The following YPEL1 variants were observed in gnomAD, a reference collection of about 807,000 sequenced individuals.
The protein encoded by YPEL1 is yippee like 1.
In YPEL1, 7 loss-of-function variants were observed where a neutral mutation model predicts 17.3. That is an observed-to-expected ratio of 0.40 (90% CI 0.23 to 0.76). The LOEUF is 0.76. YPEL1 is among the 30% of genes least tolerant of loss of function. The pLI, the probability that YPEL1 is intolerant of heterozygous loss-of-function variation, is 0.35. For missense variants in YPEL1, 91 were observed against 155.5 expected (o/e 0.59, Z 2.21); for synonymous variants, 59 against 59.6 (o/e 0.99, Z 0.05).
intron 1 of YPEL1, among the ~76,000 whole-genome samples, chr22:21,721,398 G>T (rs2148610462): frequency 6.9e-6 from 1 of 145,838 alleles, no homozygotes; most frequent in South Asian, 2.2e-4. Context: ...GATTACAGCA[G>T]TGAGCCACCA....
At chr22:21,715,756 CTTTTCTTT>C (rs1464635836) in intron 1 of YPEL1, among the ~76,000 whole-genome samples, 7 of 56,172 alleles carry the variant, frequency 1.2e-4, no homozygotes, top group Admixed American at 5.2e-4. Context: ...TTTTCTTTTT[CTTTTCTTT>C]TTTTTTTTTT....
intron 2 of YPEL1, among the ~76,000 whole-genome samples, chr22:21,707,204 G>C (rs1366231423): frequency 6.6e-6 from 1 of 152,138 alleles, no homozygotes; most frequent in Non-Finnish European, 1.5e-5. Flanking sequence ...GATCACTTGA[G>C]GCCAGGAGTT....
rs2068083724 is a variant in YPEL1 at position 21,703,369 on chromosome 22, C to T, written c.270+1G>A. ...CACGAGCATCCCCTTGTGGCACTCA[C>T]GTATTTCCACCCGAGCGTGGTCTTG... On this transcript the variant is annotated splice_donor_variant, in intron 4 of 4. Coordinates refer to ENST00000339468, the MANE Select transcript of YPEL1 (RefSeq NM_013313.5). LOFTEE classifies it high-confidence loss of function. The surrounding 1 kb of genome is among the most constrained non-coding windows in gnomAD (Gnocchi z 6.1). 3 of 1,613,118 alleles carry T rather than the reference C, an allele frequency of 1.9e-6. No individual in the cohort carries two copies. Among genetic ancestry groups the T allele is most frequent in the East Asian group, 2.2e-5 (1 of 44,888 alleles).
chr22:21,723,924 C>T (rs2068308233), intron 1 of YPEL1, among the ~76,000 whole-genome samples: 1 of 152,132 alleles, frequency 6.6e-6, no homozygotes. Flanking sequence ...GCCTTGGCCT[C>T]CCAAAGTGCT....
intron 1 of YPEL1, among the ~76,000 whole-genome samples, chr22:21,730,511 C>T (rs942927066): frequency 6.6e-6 from 1 of 152,208 alleles, no homozygotes; most frequent in Non-Finnish European, 1.5e-5. Flanking sequence ...GCGTGAGCTA[C>T]AGCATCTGGC....
intron 1 of YPEL1, among the ~76,000 whole-genome samples, chr22:21,718,665 A>G (rs994604039): frequency 6.6e-6 from 1 of 152,080 alleles, no homozygotes; most frequent in Non-Finnish European, 1.5e-5. Context: ...AAGAGAAACC[A>G]AGCTGAATCC....
At position 21,704,194 on chromosome 22, in the gene YPEL1, T is replaced by C. The variant is rs181153417; in HGVS notation, c.118-312A>G. ...CTTCATATGTCTGGACAACTTTACC[T>C]TAGAGGAGTTCTGAGAGGGGATCAC... On this transcript the variant is annotated intron_variant, in intron 2 of 4. Transcript: ENST00000339468. 9.8e-5 allele frequency: 70 copies of C among 717,898 alleles called. No homozygotes were observed. The East Asian group carries it at 1.7e-3, about 17-fold the overall frequency. The allele number at this position is 717,898 out of a possible 1,614,324, so 44.5% of individuals were successfully genotyped here.
In YPEL1 at chr22:21,703,708, C is replaced by CGGGGGG; in HGVS notation, c.161+130_161+131insCCCCCC. The CGGGGGG allele has an allele frequency of 4.1e-6, 4 of 985,448 alleles. No individual in the cohort carries two copies. Among genetic ancestry groups the CGGGGGG allele is most frequent in the South Asian group, 1.6e-5 (1 of 61,774 alleles). 61.0% of individuals were successfully genotyped at this position (985,448 alleles called of 1,614,324 possible). A position where few individuals can be genotyped will look rare whatever the true frequency, so the allele number is the denominator to read the frequency against. On this transcript the variant is annotated intron_variant, in intron 3 of 4. Coordinates refer to ENST00000339468, the MANE Select transcript of YPEL1 (RefSeq NM_013313.5). The surrounding 1 kb of genome is among the most constrained non-coding windows in gnomAD (Gnocchi z 6.1). ...ATCCTTAGCGCGTTTCAGAAACTCC[C>CGGGGGG]GGCGGGGGGATGGTGGGTTCTTTCA...
intron 1 of YPEL1, among the ~76,000 whole-genome samples, chr22:21,727,969 G>A (rs1298731889): frequency 6.6e-6 from 1 of 152,232 alleles, no homozygotes; most frequent in Non-Finnish European, 1.5e-5. Context: ...GTCAGAGGCT[G>A]CAAAGCTGGA....
At chr22:21,724,484 C>A (rs2068313251) in intron 1 of YPEL1, among the ~76,000 whole-genome samples, 1 of 152,072 alleles carries the variant, frequency 6.6e-6, no homozygotes, top group Non-Finnish European at 1.5e-5. Flanking sequence ...TTGCTGTGAG[C>A]CATGATCGCA....
At position 21,732,730 on chromosome 22, in the gene YPEL1, C is replaced by G. The variant is rs916093335; in HGVS notation, c.-165+2885G>C. Among the ~76,000 whole-genome samples, 4 of 151,824 alleles carry G rather than the reference C, an allele frequency of 2.6e-5. No homozygotes were observed. The East Asian group carries it at 7.7e-4, about 29-fold the overall frequency. On this transcript the variant is annotated intron_variant, in intron 1 of 4. Coordinates refer to ENST00000339468, the MANE Select transcript of YPEL1 (RefSeq NM_013313.5). Reference sequence around the variant, plus strand: ...CCGGGAGGCGGAGGCTGCACTGAGCCGAGATCACGCCACTGCACTCCAGCC... The same window carrying G: ...CCGGGAGGCGGAGGCTGCACTGAGCGGAGATCACGCCACTGCACTCCAGCC...
chr22:21,710,357 C>T (rs1046477404), intron 2 of YPEL1: 3 of 509,366 alleles, frequency 5.9e-6, no homozygotes, highest in Non-Finnish European at 1.1e-5. Context: ...CTGTGAGTAA[C>T]AAGTGATTCA....
intron 1 of YPEL1, among the ~76,000 whole-genome samples, chr22:21,726,410 G>A (rs1234634940): frequency 6.6e-6 from 1 of 152,194 alleles, no homozygotes; most frequent in African/African-American, 2.4e-5. Flanking sequence ...ACAACATCCT[G>A]AGAAATAGGC....
chr22:21,735,716 C>T lies in YPEL1; in HGVS notation c.-266G>A, dbSNP rs1473684036. 2 of 150,906 alleles carry T rather than the reference C, an allele frequency of 1.3e-5. No homozygotes were observed. Among genetic ancestry groups the T allele is most frequent in the Non-Finnish European group, 3.0e-5 (2 of 67,610 alleles). The allele number at this position is 150,906 out of a possible 1,614,324, so 9.3% of individuals were successfully genotyped here. A position where few individuals can be genotyped will look rare whatever the true frequency, so the allele number is the denominator to read the frequency against. ...GGCGTTCCCGGCGCGGCCCGGGACG[C>T]GCTGAGGCCGTTAACGCCTAGGCAG... is the stretch of plus-strand genomic sequence containing the variant. On this transcript the variant is annotated 5_prime_UTR_variant, in exon 1 of 5. Transcript: ENST00000339468.
chr22:21,735,362 G>T (rs1199856438), intron 1 of YPEL1, among the ~76,000 whole-genome samples: 2 of 152,142 alleles, frequency 1.3e-5, no homozygotes, highest in African/African-American at 2.4e-5. Context: ...GAGGGACAGC[G>T]GGGGAGGTGG....
At position 21,700,946 on chromosome 22, in the gene YPEL1, C is replaced by T. The variant is rs1050195749; in HGVS notation, c.*183G>A. The T allele has an allele frequency of 2.9e-5, 15 of 513,076 alleles. No homozygotes were observed. The highest frequency in any genetic ancestry group is 2.3e-4 in the Admixed American group (7 of 29,854). The allele number at this position is 513,076 out of a possible 1,614,324, so 31.8% of individuals were successfully genotyped here. A position where few individuals can be genotyped will look rare whatever the true frequency, so the allele number is the denominator to read the frequency against. On this transcript the variant is annotated 3_prime_UTR_variant, in exon 5 of 5. Coordinates refer to ENST00000339468, the MANE Select transcript of YPEL1 (RefSeq NM_013313.5). ...AAATTTTCAGAAACAACTGTGTACA[C>T]GAAGAGGACAGATCCGAGGGACACC...
At chr22:21,706,563 C>CAA (rs1169278033) in intron 2 of YPEL1, among the ~76,000 whole-genome samples, 1 of 152,006 alleles carries the variant, frequency 6.6e-6, no homozygotes, top group African/African-American at 2.4e-5. Flanking sequence ...TATGGAAAAA[C>CAA]AGTCATAGGC....
Position 21,732,955 on chromosome 22 carries a change from T to A in YPEL1, c.-165+2660A>T, listed in dbSNP as rs181553399. On this transcript the variant is annotated intron_variant, in intron 1 of 4. Coordinates refer to ENST00000339468, the MANE Select transcript of YPEL1 (RefSeq NM_013313.5). ...CAAACCTCATATCTACCAAAAAAAA[T>A]TTTTTTTTTATATAGCTGGGCATGG... Among the ~76,000 whole-genome samples the A allele has an allele frequency of 3.6e-3, 544 of 149,446 alleles. 5 individuals carry two copies. Among genetic ancestry groups the A allele is most frequent in the East Asian group, 9.5e-3 (48 of 5,078 alleles).
At chr22:21,714,233 A>C (rs1460558865) in intron 1 of YPEL1, among the ~76,000 whole-genome samples, 2 of 151,956 alleles carry the variant, frequency 1.3e-5, no homozygotes, top group African/African-American at 4.8e-5. Context: ...TGAACGGAAG[A>C]CACAAACGGC....
Sources: allele counts gnomAD v4.1 joint callset (sites outside exome capture counted in the v4.1 genomes callset), GRCh38; gene constraint gnomAD v4.1.1; non-coding constraint Gnocchi (gnomAD v3.1); transcripts MANE v1.5; gene names NCBI Gene and HGNC (gene_info 2026-07-23, HGNC 2026-07-21).